The following MRPL45 variants were observed in gnomAD, a reference collection of about 807,000 sequenced individuals.
The protein encoded by MRPL45 is mitochondrial ribosomal protein L45, also known as large ribosomal subunit protein mL45.
Under a neutral mutation model 38.1 loss-of-function variants are expected in MRPL45, and 20 were observed. The observed-to-expected ratio is 0.53, with a 90% CI of 0.37 to 0.76. The LOEUF (loss-of-function observed/expected upper bound fraction) is 0.76, where lower values mean the gene tolerates loss of function less well. Among genes scored for constraint, MRPL45 ranks in the 30% least tolerant of loss-of-function variants. The probability of loss-of-function intolerance (pLI) is 0.00; values close to 1 mark genes in which losing one functional copy is unlikely to be tolerated. For missense variants in MRPL45, 337 were observed against 395.6 expected (o/e 0.85, Z 1.26); for synonymous variants, 105 against 128.8 (o/e 0.82, Z 1.25).
chr17:38,299,224 T>A, intron 2 of MRPL45, 127 bp from the exon 3 acceptor site: 2 of 635,270 alleles, frequency 3.1e-6, no homozygotes, highest in Non-Finnish European at 5.3e-6. Context: ...TAGTTCTCTC[T>A]ACATGGAAGT....
At chr17:38,321,293 C>T (rs1195994797) in intron 6 of MRPL45, among the ~76,000 whole-genome samples, 1 of 152,160 alleles carries the variant, frequency 6.6e-6, no homozygotes, top group Non-Finnish European at 1.5e-5. Flanking sequence ...GTCTTGACTT[C>T]CCCGTCTCTC....
At chr17:38,317,657 C>T (rs1276100658) in intron 4 of MRPL45, among the ~76,000 whole-genome samples, 2 of 151,950 alleles carry the variant, frequency 1.3e-5, no homozygotes, top group South Asian at 2.1e-4. Context: ...CCGCAACCTC[C>T]GCCTCCCGGG....
chr17:38,303,359 A>G lies in MRPL45; in HGVS notation c.363-3174A>G, dbSNP rs367553214. ...GTTGCCCAGGCTGGAGTGCAATGGTATGATCTTGGCTCACTGCAACCTCTG... is the reference window on the plus strand; with the variant it reads ...GTTGCCCAGGCTGGAGTGCAATGGTGTGATCTTGGCTCACTGCAACCTCTG... On this transcript the variant is annotated intron_variant, in intron 3 of 7. Transcript: ENST00000613675. Among the ~76,000 whole-genome samples the G allele has an allele frequency of 4.1e-5, 5 of 122,134 alleles. No homozygotes were observed. In the South Asian group the frequency reaches 1.3e-3, roughly 31 times the overall value. The allele number at this position is 122,134 out of a possible 152,430, so 80.1% of individuals were successfully genotyped here.
intron 5 of MRPL45, 49 bp downstream of exon 5, chr17:38,318,784 T>A: frequency 7.8e-7 from 1 of 1,281,412 alleles, no homozygotes; most frequent in Non-Finnish European, 1.1e-6. Flanking sequence ...GTGGGCAGAT[T>A]CTAGATGGCG....
intron 2 of MRPL45, among the ~76,000 whole-genome samples, chr17:38,298,956 T>C (rs1400937171): frequency 4.0e-5 from 6 of 151,670 alleles, no homozygotes. Context: ...TGGCACAATC[T>C]GGGCTCACTG....
At chr17:38,310,538 A>G (rs1379460488) in intron 4 of MRPL45, among the ~76,000 whole-genome samples, 1 of 152,148 alleles carries the variant, frequency 6.6e-6, no homozygotes, top group East Asian at 1.9e-4. Context: ...CATATTGGTC[A>G]GGCTGGTCTC....
At position 38,306,588 on chromosome 17, in the gene MRPL45, A is replaced by G. The variant is rs2037057324; in HGVS notation, c.418A>G (p.Lys140Glu). The change falls in exon 4 of 8, where the codon AAA becomes GAA. Residue 140 changes from lysine (K) to glutamate (E), a missense_variant. Transcript: ENST00000613675. ...CTTTAAAATAAAGGACTTCCCTGAA[A>G]AAGCTAAGGATATCTTTATTGAAGC... ...ANFKIKDFPE[K>E]AKDIFIEAHL... The G allele has an allele frequency of 1.2e-6, 2 of 1,611,154 alleles. No homozygotes were observed. Among genetic ancestry groups the G allele is most frequent in the African/African-American group, 1.3e-5 (1 of 74,752 alleles).
chr17:38,320,054 G>T (rs2037214624), intron 5 of MRPL45, among the ~76,000 whole-genome samples: 1 of 152,290 alleles, frequency 6.6e-6, no homozygotes, highest in East Asian at 1.9e-4. Context: ...AGTGAGCCGA[G>T]ACCGCGCCAC....
At chr17:38,322,070 A>G in intron 6 of MRPL45, 56 bp from the exon 7 acceptor site, 1 of 1,558,860 alleles carries the variant, frequency 6.4e-7, no homozygotes, top group East Asian at 2.3e-5. Flanking sequence ...AAAACAAACA[A>G]CTCACACTCA....
chr17:38,301,980 G>A (rs188803088), intron 3 of MRPL45, among the ~76,000 whole-genome samples: 128 of 152,082 alleles, frequency 8.4e-4, no homozygotes, highest in African/African-American at 2.7e-3. Context: ...AGCCAGGTGC[G>A]GTGGTGGGCG....
intron 4 of MRPL45, among the ~76,000 whole-genome samples, chr17:38,308,190 G>A (rs1302465459): frequency 6.6e-6 from 1 of 151,898 alleles, no homozygotes; most frequent in Non-Finnish European, 1.5e-5. Flanking sequence ...AGGCTGGAGT[G>A]CAGTGGTGCA....
At position 38,322,281 on chromosome 17, in the gene MRPL45, T is replaced by C; in HGVS notation, c.816T>C (p.Pro272=). The C allele has an allele frequency of 1.2e-6, 2 of 1,614,040 alleles. No homozygotes were observed. The highest frequency in any genetic ancestry group is 1.7e-6 in the Non-Finnish European group (2 of 1,179,986). Reference sequence around the variant, plus strand: ...AGATCGTTCCCCCATGGGCACCCCCTAAGCAGCCCATCCTTAAGGTAAGGT... The same window carrying C: ...AGATCGTTCCCCCATGGGCACCCCCCAAGCAGCCCATCCTTAAGGTAAGGT... ...HTKIVPPWAP[P]KQPILKTVMI... Residue 272 remains proline, a synonymous_variant, in exon 7 of 8, where the codon CCT becomes CCC. Coordinates refer to ENST00000613675, the MANE Select transcript of MRPL45 (RefSeq NM_032351.6).
rs1287252242 is a variant in MRPL45 at position 38,303,287 on chromosome 17, T to G, written c.363-3246T>G. Reference sequence around the variant, plus strand: ...TTTCCTCTCTGTGCATTCAAAACATTAAATTTTTTTTTTTTTTTTTTTTTT... The same window carrying G: ...TTTCCTCTCTGTGCATTCAAAACATGAAATTTTTTTTTTTTTTTTTTTTTT... On this transcript the variant is annotated intron_variant, in intron 3 of 7. Coordinates refer to ENST00000613675, the MANE Select transcript of MRPL45 (RefSeq NM_032351.6). Among the ~76,000 whole-genome samples the G allele has an allele frequency of 2.7e-5, 4 of 149,940 alleles. No homozygotes were observed. In the East Asian group the frequency reaches 5.8e-4, roughly 22 times the overall value.
chr17:38,304,582 C>T (rs1160813915), intron 3 of MRPL45, among the ~76,000 whole-genome samples: 3 of 152,142 alleles, frequency 2.0e-5, no homozygotes, highest in African/African-American at 7.2e-5. Flanking sequence ...CTCACTCTTT[C>T]GCCCAGGCTG....
At chr17:38,304,026 G>C (rs572172181) in intron 3 of MRPL45, among the ~76,000 whole-genome samples, 1 of 152,274 alleles carries the variant, frequency 6.6e-6, no homozygotes, top group East Asian at 1.9e-4. Flanking sequence ...CTTTGGTGGA[G>C]CACATTTTCT....
chr17:38,322,661 T>C lies in MRPL45; in HGVS notation c.*66T>C. ...CTGCTGGAAGCTTTGAAGTCTCCCATTCCCCTCATGCTATAAAAAGAACTA... is the reference window on the plus strand; with the variant it reads ...CTGCTGGAAGCTTTGAAGTCTCCCACTCCCCTCATGCTATAAAAAGAACTA... On this transcript the variant is annotated 3_prime_UTR_variant, in exon 8 of 8. Transcript: ENST00000613675. 3.3e-6 allele frequency: 4 copies of C among 1,222,030 alleles called. No individual in the cohort carries two copies. Among genetic ancestry groups the C allele is most frequent in the Non-Finnish European group, 4.7e-6 (4 of 843,064 alleles). The allele number at this position is 1,222,030 out of a possible 1,614,324, so 75.7% of individuals were successfully genotyped here. A position where few individuals can be genotyped will look rare whatever the true frequency, so the allele number is the denominator to read the frequency against.
rs1418643328 is a variant in MRPL45 at position 38,304,767 on chromosome 17, C to A, written c.363-1766C>A. ...CCATATTGGCCAGGCCAGTCTCGAACTCCTGACCTTGTGATCAGCCCACCT... is the reference window on the plus strand; with the variant it reads ...CCATATTGGCCAGGCCAGTCTCGAAATCCTGACCTTGTGATCAGCCCACCT... On this transcript the variant is annotated intron_variant, in intron 3 of 7. Coordinates refer to ENST00000613675, the MANE Select transcript of MRPL45 (RefSeq NM_032351.6). Among the ~76,000 whole-genome samples, 3 of 151,958 alleles carry A rather than the reference C, an allele frequency of 2.0e-5. No individual in the cohort carries two copies. The East Asian group carries it at 5.8e-4, about 29-fold the overall frequency.
chr17:38,303,833 T>C (rs958749464), intron 3 of MRPL45, among the ~76,000 whole-genome samples: 5 of 149,812 alleles, frequency 3.3e-5, no homozygotes, highest in African/African-American at 1.2e-4. Context: ...TTCAAGCGAT[T>C]CTCCTGCCTC....
chr17:38,320,487 C>A, intron 5 of MRPL45, 131 bp from the exon 6 acceptor site: 1 of 915,106 alleles, frequency 1.1e-6, no homozygotes, highest in Non-Finnish European at 1.7e-6. Flanking sequence ...AAAATAGGCA[C>A]AAGAGAGCAT....
Sources: gnomAD v4.1 joint callset for allele counts (sites outside exome capture counted in the v4.1 genomes callset) on GRCh38, gnomAD v4.1.1 for gene constraint, MANE v1.5 for transcripts, NCBI Gene and HGNC (gene_info 2026-07-23, HGNC 2026-07-21) for gene names.